SLC38A1: variants seen among roughly 807,000 people sequenced by gnomAD.
The protein encoded by SLC38A1 is solute carrier family 38 member 1.
In SLC38A1, 18 loss-of-function variants were observed where a neutral mutation model predicts 60.3. The ratio of observed to expected loss-of-function variants is 0.30; its 90% CI spans 0.21 to 0.44. SLC38A1 has a LOEUF of 0.44. Among genes scored for constraint, SLC38A1 ranks in the 20% least tolerant of loss-of-function variants. The probability of loss-of-function intolerance (pLI) is 1.00; values close to 1 mark genes in which losing one functional copy is unlikely to be tolerated. For missense variants in SLC38A1, 448 were observed against 587.2 expected, an observed-to-expected ratio of 0.76 and a Z score of 2.45; for synonymous variants, 196 against 212.1, an observed-to-expected ratio of 0.92 and a Z score of 0.66.
intron 4 of SLC38A1, 107 bp downstream of exon 4, chr12:46,229,457 T>C: frequency 1.1e-6 from 1 of 898,874 alleles, no homozygotes; most frequent in Admixed American, 1.9e-5. Flanking sequence ...AATATCCTGG[T>C]GAATACAGGT....
At chr12:46,198,779 A>G in intron 13 of SLC38A1, 36 bp from the exon 14 acceptor site, 1 of 1,338,434 alleles carries the variant, frequency 7.5e-7, no homozygotes, top group Non-Finnish European at 1.1e-6. Flanking sequence ...TTTTAAAAGG[A>G]GACAAAGTAT....
At chr12:46,257,637 G>T (rs1942074337) in intron 1 of SLC38A1, among the ~76,000 whole-genome samples, 1 of 152,060 alleles carries the variant, frequency 6.6e-6, no homozygotes, top group South Asian at 2.1e-4. Context: ...TAGCTTTTGA[G>T]TTGGGGGTTT....
In SLC38A1 at chr12:46,209,061, T is replaced by C. The variant is rs1410464843; in HGVS notation, c.381A>G (p.Lys127=). Residue 127 remains lysine, a synonymous_variant, in exon 6 of 17, where the codon AAA becomes AAG. Coordinates refer to ENST00000398637, the MANE Select transcript of SLC38A1 (RefSeq NM_030674.4). ...AACACGTCCTCAGCTTACCTGTTTCTTTTGAACAGATCAATAGGAGGTTTA... is the reference window on the plus strand; with the variant it reads ...AACACGTCCTCAGCTTACCTGTTTCCTTTGAACAGATCAATAGGAGGTTTA... ...YSINLLLICS[K]ETGCMVYEKL... is the part of the protein sequence containing the mutation. 1.2e-6 allele frequency: 2 copies of C among 1,609,990 alleles called. No homozygotes were observed. Among genetic ancestry groups the C allele is most frequent in the Non-Finnish European group, 1.7e-6 (2 of 1,177,688 alleles).
At chr12:46,258,203 C>T (rs1942092652) in intron 1 of SLC38A1, among the ~76,000 whole-genome samples, 2 of 152,164 alleles carry the variant, frequency 1.3e-5, no homozygotes, top group East Asian at 1.9e-4. Flanking sequence ...AAGGTCTTTA[C>T]AACCTGTACT....
In SLC38A1 at chr12:46,220,858, C is replaced by G. The variant is rs10880939; in HGVS notation, c.314+8295G>C. On this transcript the variant is annotated intron_variant, in intron 5 of 16. Transcript: ENST00000398637. ...CAATTGGTTAAGAATATAATTCTCC[C>G]GATAGAATGAGAAGACTATTTTTTG... is the stretch of plus-strand genomic sequence containing the variant. 2.7e-3 allele frequency among the ~76,000 whole-genome samples: 411 copies of G among 152,064 alleles called. 1 individual carries two copies. Among genetic ancestry groups the G allele is most frequent in the African/African-American group, 9.3e-3 (384 of 41,450 alleles).
intron 16 of SLC38A1, chr12:46,197,368 C>A: frequency 5.7e-6 from 1 of 175,634 alleles, no homozygotes; most frequent in Non-Finnish European, 1.2e-5. Flanking sequence ...AAAAATTAGC[C>A]AGGCATGGTG....
intron 3 of SLC38A1, among the ~76,000 whole-genome samples, chr12:46,229,965 G>A (rs1471396550): frequency 3.3e-5 from 5 of 152,132 alleles, no homozygotes; most frequent in Admixed American, 6.5e-5. Context: ...AAAGACAACC[G>A]TAAGTCAAAA....
At chr12:46,249,197 A>G (rs1388352394) in intron 1 of SLC38A1, among the ~76,000 whole-genome samples, 1 of 151,828 alleles carries the variant, frequency 6.6e-6, no homozygotes, top group Non-Finnish European at 1.5e-5. Context: ...AAAACCGCAC[A>G]ACTACATGGA....
At chr12:46,243,675 A>C (rs1454768581) in intron 1 of SLC38A1, among the ~76,000 whole-genome samples, 1 of 152,224 alleles carries the variant, frequency 6.6e-6, no homozygotes, top group Non-Finnish European at 1.5e-5. Context: ...TTCACTGAAA[A>C]ATAGAAATAA....
rs1940038382 is a variant in SLC38A1, at chr12:46,209,117, T to C, written c.325A>G (p.Thr109Ala). ...TGILLFLVLL[T>A]SVTLLSIYSI... is the part of the protein sequence containing the mutation. ...TATATAGACAGCAATGTCACTGAAG[T>C]CAAAAGTACCCTAAAGCAAAGAAAA... is the stretch of plus-strand genomic sequence containing the variant. Residue 109 changes from threonine to alanine, a missense_variant, in exon 6 of 17, where the codon ACT (threonine) becomes GCT (alanine). Coordinates refer to ENST00000398637, the MANE Select transcript of SLC38A1 (RefSeq NM_030674.4). 1 of 1,605,020 alleles carries C rather than the reference T, an allele frequency of 6.2e-7. No homozygotes were observed. The highest frequency in any genetic ancestry group is 1.7e-5 in the Admixed American group (1 of 59,808).
chr12:46,221,533 T>C (rs1940658620), intron 5 of SLC38A1, among the ~76,000 whole-genome samples: 1 of 152,232 alleles, frequency 6.6e-6, no homozygotes, highest in Non-Finnish European at 1.5e-5. Flanking sequence ...ATCTTTTTTC[T>C]CTCTGATAAA....
chr12:46,247,986 G>A (rs1941681367), intron 1 of SLC38A1, among the ~76,000 whole-genome samples: 1 of 152,180 alleles, frequency 6.6e-6, no homozygotes, highest in African/African-American at 2.4e-5. Flanking sequence ...AGCAAATGCT[G>A]AGAGATTTTG....
chr12:46,236,328 C>G (rs1200511052), intron 3 of SLC38A1, among the ~76,000 whole-genome samples: 1 of 152,042 alleles, frequency 6.6e-6, no homozygotes, highest in Non-Finnish European at 1.5e-5. Context: ...TAATGGAACA[C>G]TAGGCATAAA....
intron 1 of SLC38A1, among the ~76,000 whole-genome samples, chr12:46,262,301 G>T (rs887824029): frequency 6.6e-6 from 1 of 151,494 alleles, no homozygotes; most frequent in African/African-American, 2.4e-5. Flanking sequence ...ATTTATTCAA[G>T]ACAGAAAAAA....
rs528406456 is a variant in SLC38A1 at position 46,239,889 on chromosome 12, C to T, written c.-89G>A. 3 of 1,302,728 alleles carry T rather than the reference C, an allele frequency of 2.3e-6. No homozygotes were observed. In the Admixed American group the frequency reaches 5.6e-5, roughly 24 times the overall value. 80.7% of individuals were successfully genotyped at this position (1,302,728 alleles called of 1,614,324 possible). ...AGTAGATACCAAAATGGAAGCTTGA[C>T]ACCCCTAAAATATAGCAAAATAAAA... On this transcript the variant is annotated 5_prime_UTR_variant, in exon 3 of 17. Coordinates refer to ENST00000398637, the MANE Select transcript of SLC38A1 (RefSeq NM_030674.4).
rs572304269 is a variant in SLC38A1 at position 46,217,321 on chromosome 12, C to G, written c.315-8194G>C. On this transcript the variant is annotated intron_variant, in intron 5 of 16. Transcript: ENST00000398637. ...TGCATTGTCTATCAAAGTCAAACAT[C>G]CAGAGTGGAATAACACTGTAAAAAA... Among the ~76,000 whole-genome samples the G allele has an allele frequency of 9.2e-5, 14 of 152,238 alleles. No individual in the cohort carries two copies. In the South Asian group the frequency reaches 2.5e-3, roughly 27 times the overall value.
At chr12:46,201,248 GCAC>G in intron 12 of SLC38A1, 50 bp from the exon 13 acceptor site, 1 of 1,433,746 alleles carries the variant, frequency 7.0e-7, no homozygotes, top group Middle Eastern at 1.7e-4. Flanking sequence ...CTGAATTTAA[GCAC>G]CAGTGTTAAC....
intron 3 of SLC38A1, among the ~76,000 whole-genome samples, chr12:46,233,491 C>A (rs936221947): frequency 6.6e-6 from 1 of 152,004 alleles, no homozygotes; most frequent in Non-Finnish European, 1.5e-5. Context: ...ATAAACTGCC[C>A]GTTATGGAAG....
Position 46,188,739 on chromosome 12 carries a change from T to C in SLC38A1, c.*231A>G, listed in dbSNP as rs1939021812. The C allele has an allele frequency of 2.4e-6, 1 of 419,632 alleles. No homozygotes were observed. Among genetic ancestry groups the C allele is most frequent in the East Asian group, 3.6e-5 (1 of 28,102 alleles). The allele number at this position is 419,632 out of a possible 1,614,324, so 26.0% of individuals were successfully genotyped here. A position where few individuals can be genotyped will look rare whatever the true frequency, so the allele number is the denominator to read the frequency against. On this transcript the variant is annotated 3_prime_UTR_variant, in exon 17 of 17. Coordinates refer to ENST00000398637, the MANE Select transcript of SLC38A1 (RefSeq NM_030674.4). ...AAAAGTACTGGGAAATATGATTGTA[T>C]GAAATTTGAAAAAAAAATTTCACAA...
Sources: gnomAD v4.1 joint callset for allele counts (sites outside exome capture counted in the v4.1 genomes callset) on GRCh38, gnomAD v4.1.1 for gene constraint, MANE v1.5 for transcripts, NCBI Gene and HGNC (gene_info 2026-07-23, HGNC 2026-07-21) for gene names.